ENTPD7: variants seen among roughly 807,000 people sequenced by gnomAD.
ENTPD7 encodes the protein ectonucleoside triphosphate diphosphohydrolase 7, also known as NTPDase 7.
In ENTPD7, 53 loss-of-function variants were observed where a neutral mutation model predicts 77.9. The observed-to-expected ratio is 0.68, with a 90% CI of 0.55 to 0.85. The LOEUF is 0.85. ENTPD7 is among the 40% of genes least tolerant of loss of function. The pLI is 0.00. For synonymous variants in ENTPD7, 248 were observed against 274.9 expected (o/e 0.90, Z 0.97); for missense variants, 636 against 743.7 (o/e 0.86, Z 1.68).
intron 7 of ENTPD7, among the ~76,000 whole-genome samples, chr10:99,689,470 T>C (rs1185809629): frequency 6.6e-6 from 1 of 152,338 alleles, no homozygotes; most frequent in African/African-American, 2.4e-5. Flanking sequence ...TGCATCTTTG[T>C]GGGGTTAACA....
At chr10:99,698,267 C>G (rs1175698753) in intron 9 of ENTPD7, among the ~76,000 whole-genome samples, 1 of 152,206 alleles carries the variant, frequency 6.6e-6, no homozygotes, top group Non-Finnish European at 1.5e-5. Context: ...ACAGCAGATT[C>G]ACATCTCCAA....
intron 12 of ENTPD7, among the ~76,000 whole-genome samples, chr10:99,703,248 C>CT (rs3837305): frequency 0.89 from 135,613 of 152,212 alleles, 60,532 homozygotes; most frequent in African/African-American, 0.94. Flanking sequence ...TTTTTAGGTA[C>CT]CTGTACCCTG....
chr10:99,660,984 C>G (rs1257074499), intron 2 of ENTPD7, among the ~76,000 whole-genome samples: 3 of 152,134 alleles, frequency 2.0e-5, no homozygotes, highest in Non-Finnish European at 4.4e-5. Context: ...ATTGTGGGGT[C>G]AGGGCAAGAA....
chr10:99,665,111 G>C (rs953769958), intron 3 of ENTPD7, among the ~76,000 whole-genome samples: 4 of 152,036 alleles, frequency 2.6e-5, no homozygotes, highest in Admixed American at 6.6e-5. Context: ...AATTAGCCAG[G>C]CATGGTAGCA....
intron 3 of ENTPD7, among the ~76,000 whole-genome samples, chr10:99,669,842 C>G (rs372161541): frequency 6.7e-6 from 1 of 150,056 alleles, no homozygotes; most frequent in Non-Finnish European, 1.5e-5. Context: ...CTCCGCCTCC[C>G]GGGTTCACGC....
chr10:99,692,521 G>A (rs750640623), intron 8 of ENTPD7, among the ~76,000 whole-genome samples: 11 of 112,726 alleles, frequency 9.8e-5, no homozygotes, highest in Non-Finnish European at 1.5e-4. Context: ...GGCCTTGGAT[G>A]AGAGTAGGCT....
intron 5 of ENTPD7, 38 bp from the exon 6 acceptor site, chr10:99,685,754 T>C (rs990005389): frequency 1.3e-6 from 2 of 1,483,602 alleles, no homozygotes; most frequent in South Asian, 1.1e-5. Flanking sequence ...GAAGAGAGTT[T>C]AGTGACTAAC....
At chr10:99,700,414 A>ATG (rs66525481) in intron 10 of ENTPD7, among the ~76,000 whole-genome samples, 423 of 9,810 alleles carry the variant, frequency 0.043, 1 homozygote, top group Middle Eastern at 0.19. Flanking sequence ...GTGTGTGTGT[A>ATG]TGTGTGTGTG....
At chr10:99,683,739 CTCTTA>C (rs1442740027) in intron 5 of ENTPD7, among the ~76,000 whole-genome samples, 2 of 152,112 alleles carry the variant, frequency 1.3e-5, no homozygotes, top group African/African-American at 2.4e-5. Context: ...TATTGGACAT[CTCTTA>C]TCTTTTCATG....
chr10:99,673,336 CTA>C (rs1311955539), intron 3 of ENTPD7, among the ~76,000 whole-genome samples: 1 of 151,586 alleles, frequency 6.6e-6, no homozygotes, highest in Non-Finnish European at 1.5e-5. Context: ...AAAAAAGAAA[CTA>C]TATATGAAAA....
In ENTPD7 at chr10:99,695,992, C is replaced by G; in HGVS notation, c.880C>G (p.Leu294Val). Reference sequence around the variant, plus strand: ...CAAGATCCTGCTGGCTGAGTTCAACCTGGGCTGTGATGTGCAACACACTGA... The same window carrying G: ...CAAGATCCTGCTGGCTGAGTTCAACGTGGGCTGTGATGTGCAACACACTGA... ...AAKILLAEFNLGCDVQHTEHV... is the reference protein window; with the variant it reads ...AAKILLAEFNVGCDVQHTEHV... The change falls in exon 9 of 13, where the codon CTG becomes GTG. Residue 294 changes from leucine to valine, a missense_variant. By Grantham distance (32) the Leu-to-Val change is conservative. This residue lies in a region of ENTPD7 where 486 missense variants were observed against 556.5 expected (regional missense o/e 0.87). Transcript: ENST00000370489. The G allele has an allele frequency of 6.2e-7, 1 of 1,613,578 alleles. No homozygotes were observed. The highest frequency in any genetic ancestry group is 1.7e-4 in the Middle Eastern group (1 of 6,060).
At chr10:99,674,764 T>A (rs1590041075) in intron 3 of ENTPD7, among the ~76,000 whole-genome samples, 1 of 152,218 alleles carries the variant, frequency 6.6e-6, no homozygotes, top group East Asian at 1.9e-4. Context: ...TTTCACTGAG[T>A]TGATTGATAC....
intron 3 of ENTPD7, among the ~76,000 whole-genome samples, chr10:99,677,126 G>T (rs987158657): frequency 1.3e-5 from 2 of 152,136 alleles, no homozygotes; most frequent in East Asian, 3.9e-4. Flanking sequence ...GTGGTTTGTT[G>T]TTCTGATTGG....
In ENTPD7 at chr10:99,710,996, A is replaced by G; in HGVS notation, c.*6313A>G. ...GGTATGTGATGACTTGTTTTTTTGG[A>G]AAAAGGTATTTGGAACATCAATCTG... is the stretch of plus-strand genomic sequence containing the variant. On this transcript the variant is annotated 3_prime_UTR_variant, in exon 13 of 13. Transcript: ENST00000370489. 1 of 985,050 alleles carries G rather than the reference A, an allele frequency of 1.0e-6. No individual in the cohort carries two copies. Among genetic ancestry groups the G allele is most frequent in the Middle Eastern group, 5.2e-4 (1 of 1,914 alleles). The allele number at this position is 985,050 out of a possible 1,614,324, so 61.0% of individuals were successfully genotyped here.
At position 99,659,751 on chromosome 10, in the gene ENTPD7, A is replaced by G. The variant is rs1437163056; in HGVS notation, c.-95-111A>G. 4 of 615,900 alleles carry G rather than the reference A, an allele frequency of 6.5e-6. No homozygotes were observed. The highest frequency in any genetic ancestry group is 1.1e-5 in the Non-Finnish European group (4 of 364,794). 38.2% of individuals were successfully genotyped at this position (615,900 alleles called of 1,614,324 possible). On this transcript the variant is annotated intron_variant, in intron 1 of 12. Coordinates refer to ENST00000370489, the MANE Select transcript of ENTPD7 (RefSeq NM_020354.5). The surrounding 1 kb of genome is among the most constrained non-coding windows in gnomAD (Gnocchi z 4.1). ...GGGTAGGGTCCCCTGGGCCTGAGGA[A>G]CCAGAGCAGACGGAGCGGGAGCCTG...
Position 99,691,392 on chromosome 10 carries a change from TG to T in ENTPD7, c.718del (p.Ala240LeufsTer15). The T allele has an allele frequency of 1.9e-6, 3 of 1,613,484 alleles. No individual in the cohort carries two copies. The highest frequency in any genetic ancestry group is 2.5e-6 in the Non-Finnish European group (3 of 1,179,762). On this transcript the variant is annotated frameshift_variant, in exon 8 of 13. Coordinates refer to ENST00000370489, the MANE Select transcript of ENTPD7 (RefSeq NM_020354.5). LOFTEE classifies it high-confidence loss of function. The stretch of plus-strand genomic sequence containing the variant: ...TTCTCTTATTTATTTCAGAATCAGA[TG>T]CTGAGGCTACCCAGGAATTGGCAGC... ...GRFDHEDESD[A>X]EATQELAAGR...
chr10:99,684,058 A>T, intron 5 of ENTPD7, among the ~76,000 whole-genome samples: 1 of 152,108 alleles, frequency 6.6e-6, no homozygotes, highest in Non-Finnish European at 1.5e-5. Flanking sequence ...CTAGTAATTT[A>T]TTTATTTATT....
chr10:99,679,614 T>C (rs2035726776), intron 4 of ENTPD7, 111 bp from the exon 5 acceptor site: 1 of 1,459,300 alleles, frequency 6.9e-7, no homozygotes, highest in Admixed American at 2.3e-5. Flanking sequence ...ACCTCTCAAA[T>C]AAATAAATGT....
At chr10:99,679,948 C>G (rs1189586570) in intron 5 of ENTPD7, 73 bp downstream of exon 5, 1 of 1,519,796 alleles carries the variant, frequency 6.6e-7, no homozygotes, top group East Asian at 2.3e-5. Context: ...ATGCACTGTC[C>G]TCTGTGGTTC....
Sources: gnomAD v4.1 joint callset for allele counts (sites outside exome capture counted in the v4.1 genomes callset) on GRCh38, gnomAD v4.1.1 for gene constraint, gnomAD v4.1.1 regional missense constraint, Gnocchi (gnomAD v3.1) non-coding constraint, MANE v1.5 for transcripts, NCBI Gene and HGNC (gene_info 2026-07-23, HGNC 2026-07-21) for gene names.